CTNNA3: variants seen among roughly 807,000 people sequenced by gnomAD.
CTNNA3 encodes catenin alpha 3, also known as catenin alpha-3.
CTNNA3 carries 76 observed loss-of-function variants against 95.7 expected under a neutral mutation model. That is an observed-to-expected ratio of 0.79 (90% CI 0.66 to 0.96). CTNNA3 has a LOEUF of 0.96. Among genes scored for constraint, CTNNA3 ranks in the 40% least tolerant of loss-of-function variants. The pLI, the probability that CTNNA3 is intolerant of heterozygous loss-of-function variation, is 0.00. For missense variants in CTNNA3, 1,191 were observed against 1,089.8 expected, an observed-to-expected ratio of 1.09 and a Z score of -1.31; for synonymous variants, 431 against 374.4, an observed-to-expected ratio of 1.15 and a Z score of -1.74.
chr10:66,742,570 A>AG (rs1186183653), intron 9 of CTNNA3, among the ~76,000 whole-genome samples: 2 of 150,864 alleles, frequency 1.3e-5, no homozygotes, highest in Non-Finnish European at 2.9e-5. Context: ...TTTACGGCTC[A>AG]GGGGGCATCA....
chr10:67,330,769 C>A (rs1841754551), intron 5 of CTNNA3, among the ~76,000 whole-genome samples: 1 of 151,818 alleles, frequency 6.6e-6, no homozygotes, highest in South Asian at 2.1e-4. Context: ...ACATACAGAT[C>A]ACTCCCCAAA....
intron 1 of CTNNA3, among the ~76,000 whole-genome samples, chr10:67,736,764 G>C (rs1841305276): frequency 6.6e-6 from 1 of 151,886 alleles, no homozygotes; most frequent in Non-Finnish European, 1.5e-5. Context: ...TTTTTTAAAA[G>C]AACAAAGAAA....
intron 1 of CTNNA3, among the ~76,000 whole-genome samples, chr10:67,695,782 T>C (rs1185215472): frequency 1.3e-5 from 2 of 152,190 alleles, no homozygotes; most frequent in African/African-American, 4.8e-5. Flanking sequence ...CCCCTGGCAA[T>C]AGTTCGAAAG....
intron 13 of CTNNA3, among the ~76,000 whole-genome samples, chr10:66,245,971 C>G (rs1293918312): frequency 6.6e-6 from 1 of 152,210 alleles, no homozygotes; most frequent in Non-Finnish European, 1.5e-5. Flanking sequence ...CATGGGCAAC[C>G]ATTGGTGGGC....
chr10:67,673,740 A>G (rs1184349378), intron 1 of CTNNA3, among the ~76,000 whole-genome samples: 1 of 146,674 alleles, frequency 6.8e-6, no homozygotes, highest in Non-Finnish European at 1.5e-5. Flanking sequence ...CTATTATATT[A>G]GTTAAGAACT....
At chr10:67,751,527 A>G (rs1229709961) in intron 1 of CTNNA3, among the ~76,000 whole-genome samples, 2 of 151,046 alleles carry the variant, frequency 1.3e-5, no homozygotes, top group African/African-American at 4.9e-5. Context: ...GTAAAGATAA[A>G]TAATAAAAAA....
intron 1 of CTNNA3, among the ~76,000 whole-genome samples, chr10:67,756,900 A>T (rs1436578046): frequency 6.6e-6 from 1 of 152,246 alleles, no homozygotes; most frequent in Non-Finnish European, 1.5e-5. Flanking sequence ...GTAAAAAAAT[A>T]TATATAAGTA....
At chr10:66,813,283 G>A (rs1841951923) in intron 7 of CTNNA3, among the ~76,000 whole-genome samples, 1 of 152,070 alleles carries the variant, frequency 6.6e-6, no homozygotes, top group Non-Finnish European at 1.5e-5. Flanking sequence ...CTGCGTCTTT[G>A]GGATCTTGTC....
intron 10 of CTNNA3, among the ~76,000 whole-genome samples, chr10:66,524,840 A>G (rs1460957789): frequency 6.6e-6 from 1 of 152,144 alleles, no homozygotes; most frequent in Non-Finnish European, 1.5e-5. Context: ...TCCTGAGGTC[A>G]GGAGTGCGAG....
At chr10:67,705,784 TA>T (rs199581354) in intron 1 of CTNNA3, among the ~76,000 whole-genome samples, 2,634 of 136,308 alleles carry the variant, frequency 0.019, 69 homozygotes, top group African/African-American at 0.063. Context: ...ATAATAATAA[TA>T]AAAAAAAAAA....
chr10:66,685,209 A>ACG (rs1564617136), intron 9 of CTNNA3, among the ~76,000 whole-genome samples: 10 of 36,340 alleles, frequency 2.8e-4, no homozygotes, highest in East Asian at 3.4e-3. Context: ...ATATATACGT[A>ACG]TATATATGTG....
chr10:67,070,489 C>T lies in CTNNA3; in HGVS notation c.1047+109828G>A, dbSNP rs565334607. On this transcript the variant is annotated intron_variant, in intron 7 of 17. Transcript: ENST00000433211. ...TGTGGCGGGGAGCAGTGTCTCGTGC[C>T]TGTAATCTCAGCACTTTGGGAGGCC... Among the ~76,000 whole-genome samples, 7 of 152,238 alleles carry T rather than the reference C, an allele frequency of 4.6e-5. No individual in the cohort carries two copies. In the South Asian group the frequency reaches 1.5e-3, roughly 32 times the overall value.
intron 10 of CTNNA3, among the ~76,000 whole-genome samples, chr10:66,602,375 C>CT (rs1436761741): frequency 6.6e-6 from 1 of 151,726 alleles, no homozygotes; most frequent in Non-Finnish European, 1.5e-5. Flanking sequence ...AGTTTTAAAG[C>CT]TTTTTTTAAA....
chr10:66,285,928 A>G (rs1313173993), intron 12 of CTNNA3, among the ~76,000 whole-genome samples: 1 of 151,914 alleles, frequency 6.6e-6, no homozygotes, highest in Non-Finnish European at 1.5e-5. Flanking sequence ...TTTTCTATGT[A>G]AGTTGTATAT....
Position 66,927,949 on chromosome 10 carries a change from G to A in CTNNA3, c.1048-152425C>T, listed in dbSNP as rs1847164343. The A allele has an allele frequency of 1.2e-6, 2 of 1,614,246 alleles. No individual in the cohort carries two copies. The highest frequency in any genetic ancestry group is 1.7e-6 in the Non-Finnish European group (2 of 1,180,052). On this transcript the variant is annotated intron_variant, in intron 7 of 17. Transcript: ENST00000433211. This position sits in a 1 kb window ranked among gnomAD's most constrained non-coding sequence, Gnocchi z 4.7. ...TACAATTATCTGTGCCAGTCCCAAAGAGCTGCAAGGAGTAAATGTGATCGA... is the reference window on the plus strand; with the variant it reads ...TACAATTATCTGTGCCAGTCCCAAAAAGCTGCAAGGAGTAAATGTGATCGA...
intron 11 of CTNNA3, among the ~76,000 whole-genome samples, chr10:66,429,321 G>C (rs2093273899): frequency 6.6e-6 from 1 of 152,114 alleles, no homozygotes; most frequent in Non-Finnish European, 1.5e-5. Flanking sequence ...TTCTACCAAA[G>C]ATACAAAGAG....
chr10:67,306,747 G>C (rs1219072925), intron 5 of CTNNA3, among the ~76,000 whole-genome samples: 1 of 151,912 alleles, frequency 6.6e-6, no homozygotes, highest in African/African-American at 2.4e-5. Flanking sequence ...GATAGCTTTG[G>C]CTCTGAGCCT....
At chr10:66,822,965 AACAG>A (rs1323662542) in intron 7 of CTNNA3, among the ~76,000 whole-genome samples, 1 of 152,214 alleles carries the variant, frequency 6.6e-6, no homozygotes, top group Non-Finnish European at 1.5e-5. Context: ...TTGAGGAAGT[AACAG>A]ACAGAACAAG....
At chr10:66,136,397 C>CA (rs2083350438) in intron 13 of CTNNA3, among the ~76,000 whole-genome samples, 1 of 151,634 alleles carries the variant, frequency 6.6e-6, no homozygotes, top group African/African-American at 2.4e-5. Flanking sequence ...GTAAGACCAA[C>CA]AAAAAACAAT....
Sources: gnomAD v4.1 joint callset for allele counts (sites outside exome capture counted in the v4.1 genomes callset) on GRCh38, gnomAD v4.1.1 for gene constraint, Gnocchi (gnomAD v3.1) non-coding constraint, MANE v1.5 for transcripts, NCBI Gene and HGNC (gene_info 2026-07-23, HGNC 2026-07-21) for gene names.